The following RAPGEF4 variants were observed in gnomAD, a reference collection of about 807,000 sequenced individuals.
RAPGEF4 encodes RAP guanine-nucleotide-exchange factor (GEF) 4.
A neutral mutation model predicts 147.9 loss-of-function variants in RAPGEF4; 66 were observed. That is an observed-to-expected ratio of 0.45 (90% CI 0.37 to 0.55). The LOEUF is 0.55. RAPGEF4 is among the 20% of genes least tolerant of loss of function. The pLI, the probability that RAPGEF4 is intolerant of heterozygous loss-of-function variation, is 0.00. For missense variants in RAPGEF4, 1,071 were observed against 1,257.3 expected (o/e 0.85, Z 2.24); for synonymous variants, 419 against 442.7 (o/e 0.95, Z 0.67).
chr2:172,908,780 A>G (rs1699847368), intron 4 of RAPGEF4, among the ~76,000 whole-genome samples: 1 of 152,106 alleles, frequency 6.6e-6, no homozygotes, highest in South Asian at 2.1e-4. Context: ...TACTCCAGGG[A>G]GTACAGATTC....
chr2:172,790,904 G>A (rs1381209525), intron 1 of RAPGEF4, among the ~76,000 whole-genome samples: 1 of 152,158 alleles, frequency 6.6e-6, no homozygotes, highest in Non-Finnish European at 1.5e-5. Flanking sequence ...ACAGAATACT[G>A]GAGACTGGGT....
intron 4 of RAPGEF4, among the ~76,000 whole-genome samples, chr2:172,855,778 A>G (rs1693345016): frequency 1.3e-5 from 2 of 152,154 alleles, no homozygotes; most frequent in South Asian, 4.1e-4. Flanking sequence ...ATGTCATTCC[A>G]TTATCTTCTA....
chr2:173,038,315 T>C (rs116139257), intron 29 of RAPGEF4, among the ~76,000 whole-genome samples: 2 of 152,334 alleles, frequency 1.3e-5, no homozygotes, highest in South Asian at 4.1e-4. Context: ...ATTTGGCAAA[T>C]GCGTAAAGAA....
chr2:172,736,552 C>T (rs1693792337), intron 1 of RAPGEF4, among the ~76,000 whole-genome samples: 1 of 152,192 alleles, frequency 6.6e-6, no homozygotes, highest in Non-Finnish European at 1.5e-5. Flanking sequence ...TCACAGCTCT[C>T]TGCCCCCGCA....
At chr2:172,798,996 G>A (rs1024954695) in intron 3 of RAPGEF4, among the ~76,000 whole-genome samples, 3 of 152,158 alleles carry the variant, frequency 2.0e-5, no homozygotes, top group Non-Finnish European at 4.4e-5. Flanking sequence ...CTCTCACAGG[G>A]CTGGCTTTCT....
At chr2:172,791,086 T>G (rs993193062) in intron 1 of RAPGEF4, among the ~76,000 whole-genome samples, 1 of 152,158 alleles carries the variant, frequency 6.6e-6, no homozygotes, top group East Asian at 1.9e-4. Flanking sequence ...ATTAATCCAC[T>G]CATTAATCCA....
At chr2:172,931,907 C>T (rs1178742163) in intron 6 of RAPGEF4, among the ~76,000 whole-genome samples, 1 of 152,066 alleles carries the variant, frequency 6.6e-6, no homozygotes, top group African/African-American at 2.4e-5. Context: ...ATAATATAGT[C>T]TCTTAAATAA....
chr2:173,011,865 AC>A (rs993302578), intron 17 of RAPGEF4, among the ~76,000 whole-genome samples: 3 of 151,506 alleles, frequency 2.0e-5, no homozygotes, highest in Non-Finnish European at 2.9e-5. Context: ...AAAAAAAAAA[AC>A]CACATTAGCA....
chr2:172,939,583 C>T (rs1012377655), intron 6 of RAPGEF4, among the ~76,000 whole-genome samples: 2 of 152,152 alleles, frequency 1.3e-5, no homozygotes, highest in East Asian at 3.8e-4. Context: ...TTTTGCTTTT[C>T]ATCTTAACAG....
At chr2:173,028,562 T>A (rs560385026) in intron 25 of RAPGEF4, among the ~76,000 whole-genome samples, 39 of 152,130 alleles carry the variant, frequency 2.6e-4, no homozygotes, top group African/African-American at 7.0e-4. Flanking sequence ...TTTTTTTATA[T>A]ATATATATTT....
intron 1 of RAPGEF4, among the ~76,000 whole-genome samples, chr2:172,766,826 G>A (rs1034515983): frequency 1.3e-5 from 2 of 152,170 alleles, no homozygotes; most frequent in Non-Finnish European, 2.9e-5. Context: ...GTTGTTGAAT[G>A]TATCAACAAC....
chr2:172,843,414 A>G (rs1320376631), intron 4 of RAPGEF4, among the ~76,000 whole-genome samples: 1 of 152,242 alleles, frequency 6.6e-6, no homozygotes, highest in Non-Finnish European at 1.5e-5. Context: ...CTGAGCTCCC[A>G]CAGTGAGTTC....
chr2:172,860,371 C>T, intron 4 of RAPGEF4: 1 of 961,838 alleles, frequency 1.0e-6, no homozygotes, highest in East Asian at 1.1e-4. Context: ...TTTCTCTTCT[C>T]TGTGTTTTCA....
At chr2:172,896,580 C>G (rs185816125) in intron 4 of RAPGEF4, among the ~76,000 whole-genome samples, 1 of 151,274 alleles carries the variant, frequency 6.6e-6, no homozygotes, top group Non-Finnish European at 1.5e-5. Flanking sequence ...CCATCCCACC[C>G]CCCCCCAAAA....
chr2:172,948,980 T>C (rs759990339), intron 6 of RAPGEF4, among the ~76,000 whole-genome samples: 1 of 152,182 alleles, frequency 6.6e-6, no homozygotes, highest in Non-Finnish European at 1.5e-5. Context: ...GAAATTAATA[T>C]ATCTTCTGTC....
At chr2:172,806,582 A>G (rs887002668) in intron 3 of RAPGEF4, among the ~76,000 whole-genome samples, 2 of 152,226 alleles carry the variant, frequency 1.3e-5, no homozygotes, top group African/African-American at 4.8e-5. Flanking sequence ...AATGACTGCA[A>G]TGCTGTTGTT....
At chr2:172,878,015 C>T (rs1696165528) in intron 4 of RAPGEF4, among the ~76,000 whole-genome samples, 3 of 152,206 alleles carry the variant, frequency 2.0e-5, no homozygotes, top group Admixed American at 2.0e-4. Flanking sequence ...ACTCAGCCAG[C>T]ATTACTAATT....
At chr2:172,926,312 T>C (rs902019772) in intron 6 of RAPGEF4, among the ~76,000 whole-genome samples, 1 of 152,204 alleles carries the variant, frequency 6.6e-6, no homozygotes, top group Non-Finnish European at 1.5e-5. Context: ...CAGTTGCCCT[T>C]TGGAATAATG....
At chr2:172,999,707 A>G (rs918043652) in intron 16 of RAPGEF4, among the ~76,000 whole-genome samples, 1 of 152,210 alleles carries the variant, frequency 6.6e-6, no homozygotes, top group Non-Finnish European at 1.5e-5. Context: ...ACATTGGCAA[A>G]GTCTGAATCA....
Sources: gnomAD v4.1 joint callset for allele counts (sites outside exome capture counted in the v4.1 genomes callset) on GRCh38, gnomAD v4.1.1 for gene constraint, MANE v1.5 for transcripts, NCBI Gene and HGNC (gene_info 2026-07-23, HGNC 2026-07-21) for gene names.